The following EP400 variants were observed in gnomAD, a reference collection of about 807,000 sequenced individuals.
EP400 encodes E1A binding protein p400, also known as E1A-binding protein p400.
In EP400, 105 loss-of-function variants were observed where a neutral mutation model predicts 354.1. The observed-to-expected ratio is 0.30, with a 90% CI of 0.25 to 0.35. EP400 has a LOEUF of 0.35. Among genes scored for constraint, EP400 ranks in the 10% least tolerant of loss-of-function variants. The pLI is 1.00. For synonymous variants in EP400, 1,646 were observed against 1,716.9 expected, an observed-to-expected ratio of 0.96 and a Z score of 1.02; for missense variants, 3,280 against 4,121.0, an observed-to-expected ratio of 0.80 and a Z score of 5.59.
chr12:132,062,826 TTATG>T, intron 47 of EP400, 125 bp downstream of exon 47: 9 of 1,206,596 alleles, frequency 7.5e-6, no homozygotes, highest in Admixed American at 2.4e-5. Context: ...AGCACTGCCT[TTATG>T]TAGGACGCGT....
At position 132,018,676 on chromosome 12, in the gene EP400, G is replaced by A. The variant is rs978060724; in HGVS notation, c.4277+300G>A. Among the ~76,000 whole-genome samples, 2 of 152,202 alleles carry A rather than the reference G, an allele frequency of 1.3e-5. No individual in the cohort carries two copies. Among genetic ancestry groups the A allele is most frequent in the African/African-American group, 4.8e-5 (2 of 41,436 alleles). ...CCTGGTGCCTCGTGTGGTGGAGGCT[G>A]GTGTGGCCGAACCACACATGTGTCG... On this transcript the variant is annotated intron_variant, in intron 21 of 52. Coordinates refer to ENST00000389561, the MANE Select transcript of EP400 (RefSeq NM_015409.5). This position sits in a 1 kb window ranked among gnomAD's most constrained non-coding sequence, Gnocchi z 4.0.
intron 12 of EP400, among the ~76,000 whole-genome samples, chr12:132,002,474 A>G (rs1018897842): frequency 6.6e-6 from 1 of 151,888 alleles, no homozygotes; most frequent in African/African-American, 2.4e-5. Context: ...TGTGGGGCAG[A>G]GTTTGGGAGC....
At chr12:132,068,225 G>A (rs548472749) in intron 50 of EP400, 1 of 152,706 alleles carries the variant, frequency 6.5e-6, no homozygotes, top group South Asian at 2.1e-4. Flanking sequence ...TCTGGCTAGA[G>A]CTAGAAGGCG....
Position 131,986,691 on chromosome 12 carries a change from A to G in EP400, c.2107A>G (p.Thr703Ala). ...SATNKALSPV[T>A]SRTPGVVASA... ...CACCAATAAGGCACTATCTCCAGTC[A>G]CTTCCCGGACCCCAGGGGTGGTGGC... The change falls in exon 6 of 53, where the codon ACT becomes GCT. Residue 703 changes from threonine (T) to alanine (A), a missense_variant. This residue lies in a region of EP400 where 800 missense variants were observed against 840.0 expected (regional missense o/e 0.95). Coordinates refer to ENST00000389561, the MANE Select transcript of EP400 (RefSeq NM_015409.5). The G allele has an allele frequency of 1.2e-6, 2 of 1,614,042 alleles. No individual in the cohort carries two copies.
Position 132,013,330 on chromosome 12 carries a change from C to G in EP400, c.3611+152C>G, listed in dbSNP as rs979472595. 38 of 1,413,876 alleles carry G rather than the reference C, an allele frequency of 2.7e-5. No individual in the cohort carries two copies. The African/African-American group carries it at 5.3e-4, about 20-fold the overall frequency. 87.6% of individuals were successfully genotyped at this position (1,413,876 alleles called of 1,614,324 possible). On this transcript the variant is annotated intron_variant, in intron 17 of 52. Coordinates refer to ENST00000389561, the MANE Select transcript of EP400 (RefSeq NM_015409.5). The surrounding 1 kb of genome is among the most constrained non-coding windows in gnomAD (Gnocchi z 4.5). ...ATCCCAGCACATGGGCCAGAGAGCC[C>G]CAGAGCTGGGTCAGTGCAGCCCCCC...
chr12:132,019,850 C>T (rs1287578756), intron 21 of EP400, among the ~76,000 whole-genome samples, 199 bp from the exon 22 acceptor site: 1 of 152,146 alleles, frequency 6.6e-6, no homozygotes, highest in Non-Finnish European at 1.5e-5. Context: ...TCTTGTTAGC[C>T]ACTGCGCCCG....
intron 45 of EP400, among the ~76,000 whole-genome samples, chr12:132,056,532 G>A (rs1895522690): frequency 6.6e-6 from 1 of 152,146 alleles, no homozygotes. Flanking sequence ...TAACAGTTGG[G>A]CAGCCATGTG....
intron 51 of EP400, among the ~76,000 whole-genome samples, chr12:132,074,395 C>A (rs1951422779): frequency 6.6e-6 from 1 of 151,218 alleles, no homozygotes; most frequent in Non-Finnish European, 1.5e-5. Context: ...TTTTGGGTCA[C>A]CTCTCTCCCC....
Position 132,043,348 on chromosome 12 carries a change from C to A in EP400, c.6252C>A (p.Ser2084=). Residue 2084 remains serine (S), a synonymous_variant, in exon 33 of 53, where the codon TCC becomes TCA. Coordinates refer to ENST00000389561, the MANE Select transcript of EP400 (RefSeq NM_015409.5). ...IEYLEEDAQK[S]AQEGVLGPHT... ...ATCTGGAGGAGGATGCCCAGAAGTC[C>A]GCACAGGAGGGGGTGCTGGGACCAC... The A allele has an allele frequency of 1.9e-6, 3 of 1,614,006 alleles. No individual in the cohort carries two copies. Among genetic ancestry groups the A allele is most frequent in the Non-Finnish European group, 2.5e-6 (3 of 1,180,006 alleles).
Position 132,064,860 on chromosome 12 carries a change from G to A in EP400, c.8527G>A (p.Val2843Met), listed in dbSNP as rs201361230. ...TGGTGCCCTGCTGACGGGCACCACC[G>A]TGGCCAACCTCCAGGTGGCCCGGCT... ...RPGALLTGTTVANLQVARLTR... is the reference protein window; with the variant it reads ...RPGALLTGTTMANLQVARLTR... Residue 2843 changes from valine (V) to methionine (M), a missense_variant, in exon 48 of 53, where the codon GTG becomes ATG. Val to Met is a conservative substitution (Grantham distance 21, BLOSUM62 1). Coordinates refer to ENST00000389561, the MANE Select transcript of EP400 (RefSeq NM_015409.5). The A allele has an allele frequency of 1.0e-4, 166 of 1,610,182 alleles. No individual in the cohort carries two copies. Among genetic ancestry groups the A allele is most frequent in the African/African-American group, 2.4e-4 (18 of 74,876 alleles).
rs1023630785 is a variant in EP400 at position 132,018,929 on chromosome 12, G to A, written c.4277+553G>A. Among the ~76,000 whole-genome samples, 36 of 152,308 alleles carry A rather than the reference G, an allele frequency of 2.4e-4. No homozygotes were observed. Among genetic ancestry groups the A allele is most frequent in the African/African-American group, 8.2e-4 (34 of 41,576 alleles). ...AAAGAAAGGAAAGGAAAGGAAATAG[G>A]TATTTGGAGATGAAGGGGCCAGCTC... On this transcript the variant is annotated intron_variant, in intron 21 of 52. Transcript: ENST00000389561. The surrounding 1 kb of genome is among the most constrained non-coding windows in gnomAD (Gnocchi z 4.0).
chr12:132,012,844 A>G (rs1893809285), intron 16 of EP400, among the ~76,000 whole-genome samples, 165 bp from the exon 17 acceptor site: 1 of 152,222 alleles, frequency 6.6e-6, no homozygotes, highest in South Asian at 2.1e-4. Flanking sequence ...AAACATAAAC[A>G]CAGCCGTTTT....
rs371044742 is a variant in EP400 at position 131,997,742 on chromosome 12, G to A, written c.2827+2786G>A. On this transcript the variant is annotated intron_variant, in intron 12 of 52. Transcript: ENST00000389561. Reference sequence around the variant, plus strand: ...ACGTTGAGTAGGATGAGGAGGGAGTGGGGGAGGGGGAGGGGAAGGGGTTGG... The same window carrying A: ...ACGTTGAGTAGGATGAGGAGGGAGTAGGGGAGGGGGAGGGGAAGGGGTTGG... 2.1e-3 allele frequency among the ~76,000 whole-genome samples: 321 copies of A among 152,174 alleles called. 3 individuals are homozygous for A. Among genetic ancestry groups the A allele is most frequent in the African/African-American group, 7.4e-3 (306 of 41,520 alleles).
At chr12:131,969,609 T>G (rs757686877) in intron 2 of EP400, among the ~76,000 whole-genome samples, 22 of 152,172 alleles carry the variant, frequency 1.4e-4, no homozygotes, top group Non-Finnish European at 2.5e-4. Context: ...GCACAAACTG[T>G]TGAAAGTGCA....
rs1479096250 is a variant in EP400 at position 131,950,020 on chromosome 12, C to T, written c.-52C>T. ...CCGCCCTCCTGACGCGGCCGGAGCG[C>T]AGCCCTGAGGCCCAGGGTAAGTGAG... On this transcript the variant is annotated 5_prime_UTR_variant, in exon 1 of 53. Coordinates refer to ENST00000389561, the MANE Select transcript of EP400 (RefSeq NM_015409.5). 1 of 151,854 alleles carries T rather than the reference C, an allele frequency of 6.6e-6. No individual in the cohort carries two copies. Among genetic ancestry groups the T allele is most frequent in the East Asian group, 1.9e-4 (1 of 5,176 alleles). The allele number at this position is 151,854 out of a possible 1,614,324, so 9.4% of individuals were successfully genotyped here.
chr12:132,053,582 C>A lies in EP400; in HGVS notation c.7713C>A (p.Gly2571=). 1.3e-6 allele frequency: 2 copies of A among 1,562,752 alleles called. No individual in the cohort carries two copies. Among genetic ancestry groups the A allele is most frequent in the Non-Finnish European group, 8.6e-7 (1 of 1,160,304 alleles). The change falls in exon 43 of 53, where the codon GGC becomes GGA. Residue 2571 remains glycine (G), a synonymous_variant. Coordinates refer to ENST00000389561, the MANE Select transcript of EP400 (RefSeq NM_015409.5). Reference sequence around the variant, plus strand: ...CGCAGCCCGCAATCACGACGGGGGGCAGTGCAGCCGTACTGGTGAGCAGGG... The same window carrying A: ...CGCAGCCCGCAATCACGACGGGGGGAAGTGCAGCCGTACTGGTGAGCAGGG... ...AKAQPAITTG[G]SAAVLAGTIK...
At chr12:131,956,417 A>T (rs1017321218) in intron 1 of EP400, among the ~76,000 whole-genome samples, 1 of 151,926 alleles carries the variant, frequency 6.6e-6, no homozygotes, top group Non-Finnish European at 1.5e-5. Context: ...TTTATTACTT[A>T]TTTTCCATCT....
At chr12:132,005,396 T>G (rs894145682) in intron 13 of EP400, among the ~76,000 whole-genome samples, 6 of 152,330 alleles carry the variant, frequency 3.9e-5, no homozygotes, top group Admixed American at 3.3e-4. Context: ...CTTGATCATG[T>G]TGTGAAGGAT....
intron 30 of EP400, among the ~76,000 whole-genome samples, chr12:132,035,499 G>A (rs1425814743): frequency 2.0e-5 from 3 of 152,250 alleles, no homozygotes; most frequent in African/African-American, 4.8e-5. Context: ...ACGAAGTGAC[G>A]GTACATGGAG....
Sources: gnomAD v4.1 joint callset for allele counts (sites outside exome capture counted in the v4.1 genomes callset) on GRCh38, gnomAD v4.1.1 for gene constraint, gnomAD v4.1.1 regional missense constraint, Gnocchi (gnomAD v3.1) non-coding constraint, MANE v1.5 for transcripts, NCBI Gene and HGNC (gene_info 2026-07-23, HGNC 2026-07-21) for gene names.